TRIM55: variants seen among roughly 807,000 people sequenced by gnomAD.
TRIM55 encodes the protein tripartite motif containing 55, also known as tripartite motif-containing protein 55.
TRIM55 carries 50 observed loss-of-function variants against 60.9 expected under a neutral mutation model. The ratio of observed to expected loss-of-function variants is 0.82; its 90% confidence interval spans 0.65 to 1.04. TRIM55 has a LOEUF of 1.04. TRIM55 is among the 50% of genes least tolerant of loss of function. The pLI, the probability that TRIM55 is intolerant of heterozygous loss-of-function variation, is 0.00. For missense variants in TRIM55, 681 were observed against 666.9 expected (o/e 1.02, Z -0.23); for synonymous variants, 237 against 238.1 (o/e 1.00, Z 0.04).
At chr8:66,133,897 A>ATATATACACACACATATG (rs1356818893) in intron 2 of TRIM55, among the ~76,000 whole-genome samples, 1 of 152,152 alleles carries the variant, frequency 6.6e-6, no homozygotes, top group Non-Finnish European at 1.5e-5. Context: ...ATGGACGGAT[A>ATATATACACACACATATG]TATATACACA....
chr8:66,115,634 T>G, the TRIM55 span, among the ~76,000 whole-genome samples: 1 of 152,184 alleles, frequency 6.6e-6, no homozygotes, highest in African/African-American at 2.4e-5. Flanking sequence ...AAGCTGGGAA[T>G]GGAATTCACA....
At chr8:66,113,361 C>T in the TRIM55 span, 4,175 of 376,208 alleles carry the variant, frequency 0.011, 167 homozygotes, top group African/African-American at 0.081. Context: ...GACACACGTA[C>T]ACGTCCCTTC....
upstream of TRIM55, among the ~76,000 whole-genome samples, chr8:66,123,176 C>T (rs573521149): frequency 6.6e-6 from 1 of 152,312 alleles, no homozygotes; most frequent in East Asian, 1.9e-4. Context: ...ACTCTTTTAA[C>T]CAACTGCCAA....
upstream of TRIM55, among the ~76,000 whole-genome samples, chr8:66,125,457 T>A (rs1368317615): frequency 6.6e-6 from 1 of 152,240 alleles, no homozygotes; most frequent in Non-Finnish European, 1.5e-5. Flanking sequence ...AAGAAAAGAC[T>A]CTGCTGCAAT....
rs558171638 is a variant in TRIM55 at position 66,148,071 on chromosome 8, C to T, written c.604-1574C>T. The stretch of plus-strand genomic sequence containing the variant: ...GGATTCCCAAGAAGCTCTCACTGTG[C>T]GGGAGAGCTAGGTTAGATCACTATG... On this transcript the variant is annotated intron_variant, in intron 4 of 9. Coordinates refer to ENST00000315962, the MANE Select transcript of TRIM55 (RefSeq NM_184085.2). Among the ~76,000 whole-genome samples the T allele has an allele frequency of 1.0e-3, 153 of 152,246 alleles. 1 individual carries two copies. The South Asian group carries it at 0.016, about 16-fold the overall frequency.
chr8:66,124,626 TA>T (rs1437791235), upstream of TRIM55, among the ~76,000 whole-genome samples: 2 of 152,184 alleles, frequency 1.3e-5, no homozygotes, highest in Non-Finnish European at 2.9e-5. Flanking sequence ...GAAAGGAAAA[TA>T]AATATTGGTA....
the TRIM55 span, among the ~76,000 whole-genome samples, chr8:66,120,700 G>A: frequency 6.6e-6 from 1 of 152,214 alleles, no homozygotes; most frequent in Non-Finnish European, 1.5e-5. Context: ...ACTGGGAGAG[G>A]ACATGGAAGT....
chr8:66,128,566 T>C (rs1808963050), intron 2 of TRIM55, 90 bp downstream of exon 2: 2 of 1,373,638 alleles, frequency 1.5e-6, no homozygotes, highest in Non-Finnish European at 2.0e-6. Context: ...TGAATGCTTG[T>C]TTATCAATCA....
intron 9 of TRIM55, among the ~76,000 whole-genome samples, chr8:66,158,187 A>G (rs1299724687): frequency 7.2e-6 from 1 of 139,828 alleles, no homozygotes; most frequent in Admixed American, 7.2e-5. Context: ...ACACACACAC[A>G]CACACACACA....
intron 2 of TRIM55, 67 bp from the exon 3 acceptor site, chr8:66,134,923 C>G (rs1809387397): frequency 4.0e-6 from 6 of 1,503,380 alleles, no homozygotes; most frequent in Middle Eastern, 1.7e-4. Flanking sequence ...AGAGCAACAT[C>G]AGCTCTGCCT....
At chr8:66,161,236 C>T (rs1210425951) in intron 9 of TRIM55, among the ~76,000 whole-genome samples, 1 of 152,136 alleles carries the variant, frequency 6.6e-6, no homozygotes, top group Non-Finnish European at 1.5e-5. Context: ...TTTCATTCTA[C>T]TACATGTGGC....
chr8:66,152,906 TGTGTG>T (rs1425845425), intron 8 of TRIM55, among the ~76,000 whole-genome samples: 1 of 47,766 alleles, frequency 2.1e-5, no homozygotes, highest in Non-Finnish European at 4.1e-5. Flanking sequence ...CTGGAAATTG[TGTGTG>T]TGTGTGTGTG....
At chr8:66,128,713 A>G (rs1808972610) in intron 2 of TRIM55, among the ~76,000 whole-genome samples, 1 of 152,124 alleles carries the variant, frequency 6.6e-6, no homozygotes, top group African/African-American at 2.4e-5. Flanking sequence ...ATTAACACCA[A>G]TCCATTCCAG....
chr8:66,171,125 G>A (rs567720776), intron 9 of TRIM55, among the ~76,000 whole-genome samples: 3 of 152,244 alleles, frequency 2.0e-5, no homozygotes, highest in African/African-American at 7.2e-5. Context: ...AGGGGTACAG[G>A]TTTGTTACAT....
At chr8:66,113,374 T>C in the TRIM55 span, 33 of 384,498 alleles carry the variant, frequency 8.6e-5, no homozygotes, top group African/African-American at 5.2e-4. Context: ...GTCCCTTCGA[T>C]AGCTCAGCTG....
At chr8:66,137,924 A>G (rs762099653) in intron 4 of TRIM55, among the ~76,000 whole-genome samples, 2 of 152,162 alleles carry the variant, frequency 1.3e-5, no homozygotes, top group Non-Finnish European at 2.9e-5. Context: ...AAGCCTAAAG[A>G]GAGTTAGCTA....
chr8:66,153,179 C>T (rs559319688), intron 8 of TRIM55, among the ~76,000 whole-genome samples: 1 of 152,214 alleles, frequency 6.6e-6, no homozygotes, highest in East Asian at 1.9e-4. Flanking sequence ...TGAAATACAA[C>T]TTATGTATTT....
intron 9 of TRIM55, among the ~76,000 whole-genome samples, chr8:66,171,037 T>C (rs1044044959): frequency 6.6e-6 from 1 of 152,214 alleles, no homozygotes; most frequent in Non-Finnish European, 1.5e-5. Context: ...CGTGTCTAAG[T>C]ACGTTCTGTA....
chr8:66,118,660 C>T, the TRIM55 span, among the ~76,000 whole-genome samples: 1 of 152,076 alleles, frequency 6.6e-6, no homozygotes, highest in Non-Finnish European at 1.5e-5. Flanking sequence ...AATTTCTAAG[C>T]CAAATAATGG....
Sources: gnomAD v4.1 joint callset for allele counts (sites outside exome capture counted in the v4.1 genomes callset) on GRCh38, gnomAD v4.1.1 for gene constraint, MANE v1.5 for transcripts, NCBI Gene and HGNC (gene_info 2026-07-23, HGNC 2026-07-21) for gene names.